Variants in FTO observed in about 807,000 individuals in gnomAD.
The protein encoded by FTO is FTO alpha-ketoglutarate dependent dioxygenase.
In FTO, 47 loss-of-function variants were observed where a neutral mutation model predicts 63.9. The observed-to-expected ratio is 0.74, with a 90% confidence interval of 0.58 to 0.94. The LOEUF is 0.94. Among genes scored for constraint, FTO ranks in the 40% least tolerant of loss-of-function variants. The pLI is 0.00. For missense variants in FTO, 562 were observed against 618.1 expected (o/e 0.91, Z 0.96); for synonymous variants, 207 against 224.4 (o/e 0.92, Z 0.69).
At chr16:54,056,139 A>G (rs775977225) in intron 8 of FTO, among the ~76,000 whole-genome samples, 1 of 152,196 alleles carries the variant, frequency 6.6e-6, no homozygotes, top group Non-Finnish European at 1.5e-5. Context: ...TGATATCACA[A>G]TCTGTCTAAT....
chr16:53,965,950 C>T (rs1036409101), intron 8 of FTO: 1 of 152,054 alleles, frequency 6.6e-6, no homozygotes, highest in African/African-American at 2.4e-5. Context: ...TCACTGCAAC[C>T]TCTGCCTCCC....
In FTO at chr16:54,109,848, A is replaced by G. The variant is rs572542831; in HGVS notation, c.1365-1914A>G. On this transcript the variant is annotated intron_variant, in intron 8 of 8. Coordinates refer to ENST00000471389, the MANE Select transcript of FTO (RefSeq NM_001080432.3). Reference sequence around the variant, plus strand: ...ATTGACTTTCTACAAACTTTATGATATTCTAGGTGGATCGACACTTATCAT... The same window carrying G: ...ATTGACTTTCTACAAACTTTATGATGTTCTAGGTGGATCGACACTTATCAT... Among the ~76,000 whole-genome samples, 5 of 152,314 alleles carry G rather than the reference A, an allele frequency of 3.3e-5. No homozygotes were observed. In the East Asian group the frequency reaches 9.6e-4, roughly 29 times the overall value.
intron 1 of FTO, among the ~76,000 whole-genome samples, chr16:53,764,487 A>AAG (rs1555630057): frequency 6.6e-6 from 1 of 151,462 alleles, no homozygotes; most frequent in African/African-American, 2.4e-5. Flanking sequence ...AAAAAAAAAA[A>AAG]AAAAGAAAAG....
Position 54,027,373 on chromosome 16 carries a change from G to A in FTO, c.1365-84389G>A, listed in dbSNP as rs1451105628. On this transcript the variant is annotated intron_variant, in intron 8 of 8. Coordinates refer to ENST00000471389, the MANE Select transcript of FTO (RefSeq NM_001080432.3). ...ATAAGGGAATGAGTAATACTGATTCGATTTATCCTGAGTCATAGCTGTGTA... is the reference window on the plus strand; with the variant it reads ...ATAAGGGAATGAGTAATACTGATTCAATTTATCCTGAGTCATAGCTGTGTA... Among the ~76,000 whole-genome samples the A allele has an allele frequency of 2.0e-5, 3 of 152,090 alleles. No individual in the cohort carries two copies. In the East Asian group the frequency reaches 5.8e-4, roughly 29 times the overall value.
chr16:53,945,188 G>A (rs16952663), intron 8 of FTO, among the ~76,000 whole-genome samples: 4,945 of 152,290 alleles, frequency 0.032, 134 homozygotes, highest in African/African-American at 0.081. Context: ...TGAGATCCCC[G>A]GGAGCAGGGA....
chr16:53,828,369 G>A (rs886229303), intron 3 of FTO, among the ~76,000 whole-genome samples: 6 of 152,212 alleles, frequency 3.9e-5, no homozygotes, highest in East Asian at 1.9e-4. Context: ...ACAGGCGCCC[G>A]CCACCACGCC....
In FTO at chr16:54,010,573, T is replaced by TAA. The variant is rs5816916; in HGVS notation, c.1364+76473_1364+76474dup. On this transcript the variant is annotated intron_variant, in intron 8 of 8. Coordinates refer to ENST00000471389, the MANE Select transcript of FTO (RefSeq NM_001080432.3). ...TTCTAGCCTTTAAAATCAGTCCTGT[T>TAA]AAAAAAAAAATCAGTCCTATTGACA... is the stretch of plus-strand genomic sequence containing the variant. Among the ~76,000 whole-genome samples the TAA allele has an allele frequency of 2.0e-4, 30 of 150,834 alleles. No homozygotes were observed. The East Asian group carries it at 3.5e-3, about 18-fold the overall frequency.
intron 8 of FTO, among the ~76,000 whole-genome samples, chr16:53,972,807 A>G (rs1347159584): frequency 6.6e-6 from 1 of 152,182 alleles, no homozygotes; most frequent in African/African-American, 2.4e-5. Context: ...CTCACTCTTC[A>G]GTGTTTGTGG....
intron 4 of FTO, among the ~76,000 whole-genome samples, chr16:53,866,920 T>C (rs2080334075): frequency 6.6e-6 from 1 of 152,110 alleles, no homozygotes; most frequent in Admixed American, 6.5e-5. Flanking sequence ...ATTTGTTCTT[T>C]TTCTTTAATT....
intron 8 of FTO, among the ~76,000 whole-genome samples, chr16:53,944,474 G>C (rs1246586364): frequency 2.0e-5 from 3 of 152,232 alleles, no homozygotes; most frequent in African/African-American, 7.2e-5. Flanking sequence ...TTGTATAAAA[G>C]TTGTGCTACC....
chr16:53,886,580 A>G (rs974744022), intron 6 of FTO, among the ~76,000 whole-genome samples: 2 of 152,256 alleles, frequency 1.3e-5, no homozygotes, highest in African/African-American at 4.8e-5. Context: ...TAGCACAGAT[A>G]AGTTTTAGCA....
At chr16:54,039,804 A>C (rs1369189772) in intron 8 of FTO, 2 of 152,208 alleles carry the variant, frequency 1.3e-5, no homozygotes, top group South Asian at 4.1e-4. Context: ...AGAGGTTTTG[A>C]TCATTTCTCT....
At chr16:53,883,621 TCAAAAAAAAAAAAA>T (rs1347984691) in intron 6 of FTO, among the ~76,000 whole-genome samples, 6 of 30,012 alleles carry the variant, frequency 2.0e-4, no homozygotes, top group Non-Finnish European at 2.7e-4. Flanking sequence ...AAACTCTATC[TCAAAAAAAAAAAAA>T]CAAAAAAAAA....
intron 4 of FTO, among the ~76,000 whole-genome samples, chr16:53,871,323 A>C (rs2080485528): frequency 6.6e-6 from 1 of 152,136 alleles, no homozygotes; most frequent in South Asian, 2.1e-4. Context: ...GCTGTCACTC[A>C]TGCCCTTTCA....
chr16:53,983,265 A>G (rs1449984178), intron 8 of FTO, among the ~76,000 whole-genome samples: 2 of 152,158 alleles, frequency 1.3e-5, no homozygotes, highest in Non-Finnish European at 2.9e-5. Flanking sequence ...GGAATAAATA[A>G]GCATAGAATG....
At chr16:53,945,263 G>C (rs1392775095) in intron 8 of FTO, among the ~76,000 whole-genome samples, 3 of 152,166 alleles carry the variant, frequency 2.0e-5, no homozygotes, top group African/African-American at 7.2e-5. Flanking sequence ...GTCTGCAATT[G>C]TACTAATTTT....
intron 8 of FTO, among the ~76,000 whole-genome samples, chr16:53,977,420 A>G (rs1263813922): frequency 6.6e-6 from 1 of 152,156 alleles, no homozygotes; most frequent in African/African-American, 2.4e-5. Flanking sequence ...ATTTTTCTAT[A>G]GCAGTATTTT....
intron 7 of FTO, among the ~76,000 whole-genome samples, chr16:53,931,892 A>ACACACACACC (rs1555495374): frequency 3.3e-5 from 5 of 151,682 alleles, no homozygotes; most frequent in African/African-American, 1.2e-4. Context: ...ACACACACAC[A>ACACACACACC]CACACACACA....
intron 5 of FTO, 21 bp downstream of exon 5, chr16:53,873,886 G>T: frequency 6.4e-7 from 1 of 1,561,856 alleles, no homozygotes; most frequent in Non-Finnish European, 8.8e-7. Flanking sequence ...ATAAAAATGT[G>T]ATTCACACCT....
Sources: allele counts gnomAD v4.1 joint callset (sites outside exome capture counted in the v4.1 genomes callset), GRCh38; gene constraint gnomAD v4.1.1; transcripts MANE v1.5; gene names NCBI Gene and HGNC (gene_info 2026-07-23, HGNC 2026-07-21).